Variants in GABBR2 observed in about 807,000 individuals in gnomAD.
GABBR2 encodes the protein G-protein coupled receptor 51.
A neutral mutation model predicts 105.6 loss-of-function variants in GABBR2; 23 were observed. That is an observed-to-expected ratio of 0.22 (90% CI 0.16 to 0.31). The LOEUF (loss-of-function observed/expected upper bound fraction) is 0.31, where lower values mean the gene tolerates loss of function less well. Ranked by LOEUF, GABBR2 falls within the 10% of genes least tolerant of loss-of-function variation. GABBR2 has a pLI of 1.00. For synonymous variants in GABBR2, 478 were observed against 499.7 expected, an observed-to-expected ratio of 0.96 and a Z score of 0.58; for missense variants, 734 against 1,245.5, an observed-to-expected ratio of 0.59 and a Z score of 6.18.
chr9:98,509,659 A>G (rs935374172), intron 3 of GABBR2, among the ~76,000 whole-genome samples: 1 of 152,250 alleles, frequency 6.6e-6, no homozygotes, highest in Non-Finnish European at 1.5e-5. Context: ...CAACTGGAAG[A>G]AAGGGTATCA....
chr9:98,542,379 A>G (rs918286520), intron 2 of GABBR2, among the ~76,000 whole-genome samples: 4 of 152,192 alleles, frequency 2.6e-5, no homozygotes, highest in African/African-American at 7.2e-5. Flanking sequence ...TACATGCACA[A>G]TTGAACTGTT....
intron 11 of GABBR2, among the ~76,000 whole-genome samples, chr9:98,376,679 C>T (rs1831879582): frequency 6.6e-6 from 1 of 152,156 alleles, no homozygotes; most frequent in Admixed American, 6.5e-5. Flanking sequence ...GAAGAGCAGC[C>T]TCTAGAAACA....
intron 3 of GABBR2, among the ~76,000 whole-genome samples, chr9:98,512,351 A>T (rs567111993): frequency 5.4e-3 from 812 of 150,958 alleles, no homozygotes; most frequent in Admixed American, 9.8e-3. Flanking sequence ...CGGGCACAAG[A>T]CAGGGATGCC....
At chr9:98,465,344 A>T (rs1826527178) in intron 6 of GABBR2, among the ~76,000 whole-genome samples, 1 of 152,172 alleles carries the variant, frequency 6.6e-6, no homozygotes, top group Non-Finnish European at 1.5e-5. Flanking sequence ...AAAGAAAAGA[A>T]GAAAAGGAAT....
intron 3 of GABBR2, among the ~76,000 whole-genome samples, chr9:98,519,476 C>T (rs1327928913): frequency 6.6e-6 from 1 of 152,270 alleles, no homozygotes; most frequent in African/African-American, 2.4e-5. Context: ...AGTGGGGACT[C>T]ATTTACTGAG....
intron 3 of GABBR2, among the ~76,000 whole-genome samples, chr9:98,497,329 G>A (rs906867702): frequency 6.6e-6 from 1 of 151,920 alleles, no homozygotes; most frequent in African/African-American, 2.4e-5. Context: ...GTGGGTCAAG[G>A]GTTACCAGAC....
rs551529053 is a variant in GABBR2, at chr9:98,347,000, G to A, written c.1893+15715C>T. ...TTTTCTGTTGATGGACATTGAGGTT[G>A]ATTCCATATCTTAGGAACTGTGAAT... On this transcript the variant is annotated intron_variant, in intron 13 of 18. Transcript: ENST00000259455. Among the ~76,000 whole-genome samples the A allele has an allele frequency of 4.6e-5, 7 of 152,264 alleles. No individual in the cohort carries two copies. The South Asian group carries it at 8.3e-4, about 18-fold the overall frequency.
At chr9:98,491,858 A>G (rs188455341) in intron 4 of GABBR2, among the ~76,000 whole-genome samples, 2 of 152,248 alleles carry the variant, frequency 1.3e-5, no homozygotes, top group South Asian at 2.1e-4. Flanking sequence ...CTTTCCTTCC[A>G]TGGGTTCCAA....
intron 1 of GABBR2, among the ~76,000 whole-genome samples, chr9:98,628,890 C>T (rs1829781091): frequency 6.6e-6 from 1 of 152,214 alleles, no homozygotes; most frequent in Non-Finnish European, 1.5e-5. Context: ...GCACCTACCC[C>T]TACAGGGGCT....
chr9:98,324,043 G>C (rs1217498757), intron 13 of GABBR2, among the ~76,000 whole-genome samples: 1 of 152,166 alleles, frequency 6.6e-6, no homozygotes, highest in Non-Finnish European at 1.5e-5. Flanking sequence ...TTGCGCAGGA[G>C]AATACTAAGC....
rs1826286044 is a variant in GABBR2 at position 98,454,248 on chromosome 9, A to G, written c.1000-31T>C. The G allele has an allele frequency of 1.4e-6, 2 of 1,451,692 alleles. No homozygotes were observed. The highest frequency in any genetic ancestry group is 1.1e-5 in the South Asian group (1 of 87,892). 89.9% of individuals were successfully genotyped at this position (1,451,692 alleles called of 1,614,324 possible). On this transcript the variant is annotated intron_variant, in intron 6 of 18. Transcript: ENST00000259455. The surrounding 1 kb of genome is among the most constrained non-coding windows in gnomAD (Gnocchi z 4.6). ...AAAACAGGGGATTGGGGGAATCCCA[A>G]GTTATACTCGGCAGGGACATCAGGT...
Position 98,290,359 on chromosome 9 carries a change from CTCT to C in GABBR2, c.*222_*224del, listed in dbSNP as rs1830283143. The C allele has an allele frequency of 1.1e-5, 3 of 269,576 alleles. No individual in the cohort carries two copies. The Admixed American group carries it at 1.7e-4, about 16-fold the overall frequency. The allele number at this position is 269,576 out of a possible 1,614,324, so 16.7% of individuals were successfully genotyped here. Reference sequence around the variant, plus strand: ...TAAGGAAGACGTCCCATTTCCGTTCCTCTTCTTTGTGAAGAAATAAGGACTTCA... The same window carrying C: ...TAAGGAAGACGTCCCATTTCCGTTCCTCTTTGTGAAGAAATAAGGACTTCA... On this transcript the variant is annotated 3_prime_UTR_variant, in exon 19 of 19. Transcript: ENST00000259455.
intron 1 of GABBR2, among the ~76,000 whole-genome samples, chr9:98,623,759 C>T (rs1829699778): frequency 6.6e-6 from 1 of 152,244 alleles, no homozygotes; most frequent in African/African-American, 2.4e-5. Context: ...CCCTGTGTTA[C>T]TTTCAGACCC....
chr9:98,344,157 T>A (rs528352798), intron 13 of GABBR2, among the ~76,000 whole-genome samples: 5 of 152,186 alleles, frequency 3.3e-5, no homozygotes, highest in African/African-American at 1.2e-4. Flanking sequence ...CTCTTCTCCA[T>A]CGCTCTGACT....
intron 13 of GABBR2, among the ~76,000 whole-genome samples, chr9:98,360,049 C>T (rs763606104): frequency 2.6e-5 from 4 of 152,186 alleles, no homozygotes; most frequent in Non-Finnish European, 5.9e-5. Context: ...TATTACAAGG[C>T]CCATACCTGG....
chr9:98,688,087 A>G (rs1482480828), intron 1 of GABBR2, among the ~76,000 whole-genome samples: 1 of 152,088 alleles, frequency 6.6e-6, no homozygotes, highest in Non-Finnish European at 1.5e-5. Context: ...CAGAGATCAT[A>G]ATGAGTCACA....
At chr9:98,437,863 A>G (rs1825955245) in intron 7 of GABBR2, among the ~76,000 whole-genome samples, 2 of 150,124 alleles carry the variant, frequency 1.3e-5, no homozygotes, top group Non-Finnish European at 3.0e-5. Flanking sequence ...CTATCCATCC[A>G]TCCGTCCATC....
At chr9:98,589,535 A>G (rs1202314752) in intron 1 of GABBR2, among the ~76,000 whole-genome samples, 2 of 152,178 alleles carry the variant, frequency 1.3e-5, no homozygotes, top group East Asian at 3.8e-4. Context: ...CACCTGGGGA[A>G]CTATTAAAGA....
chr9:98,569,005 C>T (rs973340033), intron 2 of GABBR2, among the ~76,000 whole-genome samples: 5 of 152,020 alleles, frequency 3.3e-5, no homozygotes, highest in South Asian at 2.1e-4. Context: ...CTCCTCTTCC[C>T]TTTCTTCTTG....
Sources: allele counts gnomAD v4.1 joint callset (sites outside exome capture counted in the v4.1 genomes callset), GRCh38; gene constraint gnomAD v4.1.1; non-coding constraint Gnocchi (gnomAD v3.1); transcripts MANE v1.5; gene names NCBI Gene and HGNC (gene_info 2026-07-23, HGNC 2026-07-21).